ENTPD6: variants seen among roughly 807,000 people sequenced by gnomAD.
ENTPD6 encodes the protein CD39 antigen-like 2.
In ENTPD6, 46 loss-of-function variants were observed where a neutral mutation model predicts 61.5. That is an observed-to-expected ratio of 0.75 (90% CI 0.59 to 0.96). ENTPD6 has a LOEUF of 0.96. ENTPD6 is among the 40% of genes least tolerant of loss of function. The pLI is 0.00. For missense variants in ENTPD6, 612 were observed against 629.0 expected (o/e 0.97, Z 0.29); for synonymous variants, 252 against 255.5 (o/e 0.99, Z 0.13).
chr20:25,211,285 G>A (rs891643998), intron 4 of ENTPD6, among the ~76,000 whole-genome samples: 1 of 152,196 alleles, frequency 6.6e-6, no homozygotes, highest in Non-Finnish European at 1.5e-5. Context: ...TGATTCTAGA[G>A]TGACCTTACA....
rs138746888 is a variant in ENTPD6 at position 25,207,386 on chromosome 20, G to T, written c.365G>T (p.Arg122Leu). 2.0e-6 allele frequency: 3 copies of T among 1,533,774 alleles called. No homozygotes were observed. The highest frequency in any genetic ancestry group is 2.6e-6 in the Non-Finnish European group (3 of 1,136,150). ...GTRVHVFQFT[R>L]PPRETPTLTH... ...CGAGTACACGTCTTCCAGTTCACCC[G>T]GCCCCCCAGAGGTACCCGCCTCTCA... The change falls in exon 3 of 15, where the codon CGG (arginine) becomes CTG (leucine). Residue 122 changes from arginine (R) to leucine (L), a missense_variant. Transcript: ENST00000376652.
At chr20:25,216,036 T>C (rs918566734) in intron 7 of ENTPD6, among the ~76,000 whole-genome samples, 1 of 152,238 alleles carries the variant, frequency 6.6e-6, no homozygotes, top group African/African-American at 2.4e-5. Context: ...ACCAGTCATA[T>C]CTTCCAATAT....
intron 4 of ENTPD6, among the ~76,000 whole-genome samples, chr20:25,210,491 A>T (rs1427428086): frequency 6.6e-6 from 1 of 151,962 alleles, no homozygotes; most frequent in African/African-American, 2.4e-5. Context: ...TACAAAATTT[A>T]AAAATTAGCT....
chr20:25,206,632 T>G (rs1472000908), intron 2 of ENTPD6, 42 bp downstream of exon 2: 1 of 1,463,640 alleles, frequency 6.8e-7, no homozygotes, highest in South Asian at 1.1e-5. Flanking sequence ...GGACGGAGTT[T>G]AAACCTTTCG....
intron 13 of ENTPD6, chr20:25,224,860 T>G: frequency 1.3e-5 from 4 of 300,684 alleles, no homozygotes; most frequent in Non-Finnish European, 2.5e-5. Context: ...TGAGCTGGCT[T>G]TGGTGTTTTC....
chr20:25,200,054 T>C (rs934136358), intron 1 of ENTPD6, among the ~76,000 whole-genome samples: 2 of 152,172 alleles, frequency 1.3e-5, no homozygotes, highest in African/African-American at 4.8e-5. Flanking sequence ...CTCCATGCTG[T>C]TTTCCAAGGC....
At chr20:25,217,446 A>AG in intron 8 of ENTPD6, 56 bp from the exon 9 acceptor site, 1 of 1,505,846 alleles carries the variant, frequency 6.6e-7, no homozygotes, top group Admixed American at 1.7e-5. Flanking sequence ...CAGTGGGTGG[A>AG]GGAGAATTTT....
At chr20:25,216,601 G>A (rs539507229) in intron 7 of ENTPD6, 47 bp from the exon 8 acceptor site, 50 of 1,439,502 alleles carry the variant, frequency 3.5e-5, no homozygotes, top group South Asian at 1.5e-4. Context: ...TGCTGTTCTC[G>A]CGATCTTACT....
chr20:25,200,618 G>A (rs139899926), intron 1 of ENTPD6, among the ~76,000 whole-genome samples: 1 of 152,120 alleles, frequency 6.6e-6, no homozygotes, highest in African/African-American at 2.4e-5. Context: ...TTTTTATTCT[G>A]TAAAATAGGT....
In ENTPD6 at chr20:25,223,567, C is replaced by T. The variant is rs370390371; in HGVS notation, c.1187-534C>T. Among the ~76,000 whole-genome samples, 56 of 152,214 alleles carry T rather than the reference C, an allele frequency of 3.7e-4. No homozygotes were observed. In the East Asian group the frequency reaches 9.1e-3, roughly 25 times the overall value. ...TGTTTTAAATAAGCTGACACGGTGC[C>T]GGCTCTCTGGGCCCTGCAGCCTCCG... On this transcript the variant is annotated intron_variant, in intron 12 of 14. Coordinates refer to ENST00000376652, the MANE Select transcript of ENTPD6 (RefSeq NM_001247.5).
intron 11 of ENTPD6, 51 bp from the exon 12 acceptor site, chr20:25,222,787 A>C: frequency 6.2e-7 from 1 of 1,600,002 alleles, no homozygotes; most frequent in Non-Finnish European, 8.5e-7. Context: ...AGCAGCTGTG[A>C]GGCCTGGGTG....
chr20:25,216,519 G>C, intron 7 of ENTPD6, 129 bp from the exon 8 acceptor site: 1 of 654,564 alleles, frequency 1.5e-6, no homozygotes, highest in Admixed American at 2.4e-5. Context: ...CTTAAATGGA[G>C]ATTTGTCAAT....
chr20:25,219,833 A>T (rs6050449), intron 10 of ENTPD6, among the ~76,000 whole-genome samples: 15,710 of 152,260 alleles, frequency 0.1, 2,511 homozygotes, highest in African/African-American at 0.35. Flanking sequence ...TCTCCTGTGC[A>T]TGCCCTACTT....
intron 10 of ENTPD6, among the ~76,000 whole-genome samples, chr20:25,220,515 G>T (rs977808223): frequency 6.6e-6 from 1 of 152,182 alleles, no homozygotes; most frequent in Admixed American, 6.5e-5. Flanking sequence ...CCCCCGCTGG[G>T]GTCCTGAGGG....
In ENTPD6 at chr20:25,227,194, G is replaced by A. The variant is rs556418625; in HGVS notation, c.*1597G>A. On this transcript the variant is annotated 3_prime_UTR_variant, in exon 15 of 15. Transcript: ENST00000376652. ...CCCTAGGGCCTCCCAGGGCTGCAGC[G>A]AATGCTGATGGAGCCACGTGGTGGA... Among the ~76,000 whole-genome samples, 21 of 152,346 alleles carry A rather than the reference G, an allele frequency of 1.4e-4. No individual in the cohort carries two copies. Among genetic ancestry groups the A allele is most frequent in the East Asian group, 3.9e-4 (2 of 5,184 alleles).
rs556683394 is a variant in ENTPD6, at chr20:25,211,543, C to T, written c.453+1618C>T. 2.2e-4 allele frequency among the ~76,000 whole-genome samples: 33 copies of T among 152,338 alleles called. No homozygotes were observed. The South Asian group carries it at 6.8e-3, about 32-fold the overall frequency. ...TATTCTTCTCCCCATTTTTACTTCA[C>T]ACCCACGGTGGTGTCCACACCGAGG... is the stretch of plus-strand genomic sequence containing the variant. On this transcript the variant is annotated intron_variant, in intron 4 of 14. Transcript: ENST00000376652.
chr20:25,206,879 AC>A (rs1176746897), intron 2 of ENTPD6, among the ~76,000 whole-genome samples, 196 bp from the exon 3 acceptor site: 2 of 151,906 alleles, frequency 1.3e-5, no homozygotes, highest in African/African-American at 4.8e-5. Context: ...GCCTTTATAA[AC>A]CTCAGTTCCT....
chr20:25,225,410 A>C, intron 14 of ENTPD6, 89 bp from the exon 15 acceptor site: 2 of 1,580,784 alleles, frequency 1.3e-6, no homozygotes, highest in Non-Finnish European at 1.7e-6. Context: ...CCCCCAGCCC[A>C]TCCCTGGCTT....
Position 25,222,836 on chromosome 20 carries a change from A to C in ENTPD6, c.1046-2A>C. On this transcript the variant is annotated splice_acceptor_variant, in intron 11 of 14. Coordinates refer to ENST00000376652, the MANE Select transcript of ENTPD6 (RefSeq NM_001247.5). LOFTEE classifies it high-confidence loss of function. Reference sequence around the variant, plus strand: ...GACCGCTAGCCTTGTGCTTGTCCCCAGCGGCAAGCCTGCACGAGCTGTGTG... The same window carrying C: ...GACCGCTAGCCTTGTGCTTGTCCCCCGCGGCAAGCCTGCACGAGCTGTGTG... 1 of 1,613,646 alleles carries C rather than the reference A, an allele frequency of 6.2e-7. No homozygotes were observed. The highest frequency in any genetic ancestry group is 8.5e-7 in the Non-Finnish European group (1 of 1,179,928).
Sources: allele counts gnomAD v4.1 joint callset (sites outside exome capture counted in the v4.1 genomes callset), GRCh38; gene constraint gnomAD v4.1.1; transcripts MANE v1.5; gene names NCBI Gene and HGNC (gene_info 2026-07-23, HGNC 2026-07-21).